The following EYS variants were observed in gnomAD, a reference collection of about 807,000 sequenced individuals.
EYS encodes EGF-like photoreceptor maintenance factor, also known as protein eyes shut homolog.
EYS carries 250 observed loss-of-function variants against 282.1 expected under a neutral mutation model. The ratio of observed to expected loss-of-function variants is 0.89; its 90% CI spans 0.80 to 0.98. The LOEUF (loss-of-function observed/expected upper bound fraction) is 0.98, where lower values mean the gene tolerates loss of function less well. Ranked by LOEUF, EYS falls within the 50% of genes least tolerant of loss-of-function variation. EYS has a pLI of 0.00. For synonymous variants in EYS, 1,355 were observed against 1,282.9 expected (o/e 1.06, Z -1.20); for missense variants, 4,016 against 3,709.0 (o/e 1.08, Z -2.15).
chr6:64,404,543 G>A (rs1334327102), intron 28 of EYS, among the ~76,000 whole-genome samples: 2 of 152,104 alleles, frequency 1.3e-5, no homozygotes, highest in Non-Finnish European at 2.9e-5. Flanking sequence ...TCTCAGATAG[G>A]TATTTTAAAA....
chr6:65,111,201 T>C (rs1775204254), intron 12 of EYS, among the ~76,000 whole-genome samples: 1 of 152,246 alleles, frequency 6.6e-6, no homozygotes, highest in South Asian at 2.1e-4. Context: ...ATATTATAAA[T>C]TATGACTTCT....
chr6:63,742,422 G>A (rs1769098997), intron 41 of EYS, among the ~76,000 whole-genome samples: 1 of 152,082 alleles, frequency 6.6e-6, no homozygotes, highest in Non-Finnish European at 1.5e-5. Context: ...CTGAGATCTT[G>A]TTCTCTCATG....
At chr6:64,606,570 AT>A (rs1175796330) in intron 24 of EYS, among the ~76,000 whole-genome samples, 1 of 152,120 alleles carries the variant, frequency 6.6e-6, no homozygotes, top group African/African-American at 2.4e-5. Flanking sequence ...TAACTAATTT[AT>A]CATTAGAAAC....
intron 26 of EYS, among the ~76,000 whole-genome samples, chr6:64,450,925 C>T (rs571461363): frequency 1.6e-4 from 24 of 152,132 alleles, no homozygotes; most frequent in African/African-American, 5.8e-4. Context: ...AAAATTGAGA[C>T]CCTAACATCA....
chr6:65,667,895 A>G (rs2149830443), intron 1 of EYS, among the ~76,000 whole-genome samples: 1 of 152,062 alleles, frequency 6.6e-6, no homozygotes, highest in African/African-American at 2.4e-5. Flanking sequence ...TTATCAGTAA[A>G]TTTGGAATAA....
At chr6:63,825,225 T>C (rs1771427697) in intron 36 of EYS, among the ~76,000 whole-genome samples, 1 of 152,026 alleles carries the variant, frequency 6.6e-6, no homozygotes, top group African/African-American at 2.4e-5. Context: ...CTGTCCCCCA[T>C]CCTCCACAGC....
chr6:64,288,728 A>C (rs1768589434), intron 30 of EYS, among the ~76,000 whole-genome samples: 1 of 152,120 alleles, frequency 6.6e-6, no homozygotes, highest in Admixed American at 6.6e-5. Flanking sequence ...CTGAAACATC[A>C]TAAAAATTTG....
chr6:64,016,474 T>G (rs927383140), intron 33 of EYS, among the ~76,000 whole-genome samples: 1 of 148,974 alleles, frequency 6.7e-6, no homozygotes, highest in African/African-American at 2.5e-5. Context: ...TTGGCTGCTG[T>G]GTCATACCTT....
chr6:63,972,046 G>A (rs1266124937), intron 35 of EYS, among the ~76,000 whole-genome samples: 1 of 152,122 alleles, frequency 6.6e-6, no homozygotes, highest in Non-Finnish European at 1.5e-5. Flanking sequence ...ATTTGTTATA[G>A]AATTTCTTCA....
intron 33 of EYS, among the ~76,000 whole-genome samples, chr6:64,056,024 C>T (rs534437218): frequency 2.6e-5 from 4 of 152,192 alleles, no homozygotes; most frequent in Non-Finnish European, 5.9e-5. Context: ...AAGGCCTGGT[C>T]CTCTTGACTA....
intron 26 of EYS, among the ~76,000 whole-genome samples, chr6:64,458,451 G>C (rs1460945730): frequency 6.6e-6 from 1 of 151,754 alleles, no homozygotes; most frequent in Non-Finnish European, 1.5e-5. Context: ...AGATAATCTT[G>C]GTTAATAATT....
At chr6:64,890,442 C>T (rs1373423406) in intron 18 of EYS, among the ~76,000 whole-genome samples, 3 of 152,036 alleles carry the variant, frequency 2.0e-5, no homozygotes, top group Non-Finnish European at 1.5e-5. Flanking sequence ...GTGATGTCTC[C>T]CCTGGACGCC....
intron 36 of EYS, among the ~76,000 whole-genome samples, chr6:63,828,698 C>T (rs1032044194): frequency 6.6e-6 from 1 of 152,102 alleles, no homozygotes; most frequent in Non-Finnish European, 1.5e-5. Context: ...CAACAAACAT[C>T]TGAAAAAATG....
At chr6:65,245,889 A>G (rs1181458884) in intron 12 of EYS, among the ~76,000 whole-genome samples, 1 of 152,060 alleles carries the variant, frequency 6.6e-6, no homozygotes, top group Non-Finnish European at 1.5e-5. Context: ...TATAGAATCT[A>G]TTTAACAATA....
intron 30 of EYS, among the ~76,000 whole-genome samples, chr6:64,277,283 A>C (rs538311781): frequency 2.0e-5 from 3 of 152,156 alleles, no homozygotes; most frequent in Non-Finnish European, 2.9e-5. Context: ...CATCCTCAAC[A>C]AATTTGTAGC....
rs544919689 is a variant in EYS at position 65,070,101 on chromosome 6, A to G, written c.2024-12374T>C. Among the ~76,000 whole-genome samples, 5 of 151,700 alleles carry G rather than the reference A, an allele frequency of 3.3e-5. No homozygotes were observed. The East Asian group carries it at 9.7e-4, about 29-fold the overall frequency. ...TTCCTAAATACTGTATAATAAATCC[A>G]CTCTTCCTTCACCACTGCAACTATC... is the stretch of plus-strand genomic sequence containing the variant. On this transcript the variant is annotated intron_variant, in intron 12 of 42. Coordinates refer to ENST00000503581, the MANE Select transcript of EYS (RefSeq NM_001142800.2).
At chr6:65,489,065 G>T (rs1765922861) in intron 5 of EYS, among the ~76,000 whole-genome samples, 1 of 152,126 alleles carries the variant, frequency 6.6e-6, no homozygotes, top group African/African-American at 2.4e-5. Context: ...ACATAGGCAT[G>T]GGCAAAGACT....
At chr6:64,170,693 C>A (rs907529770) in intron 31 of EYS, among the ~76,000 whole-genome samples, 2 of 150,786 alleles carry the variant, frequency 1.3e-5, no homozygotes, top group Non-Finnish European at 2.9e-5. Context: ...CTGCAAAGAC[C>A]TTGTTTATAA....
intron 24 of EYS, among the ~76,000 whole-genome samples, chr6:64,601,613 A>G (rs1766763484): frequency 6.6e-6 from 1 of 152,070 alleles, no homozygotes; most frequent in African/African-American, 2.4e-5. Context: ...TAATTGTTAG[A>G]GCCTAGCTGG....
Sources: allele counts gnomAD v4.1 joint callset (sites outside exome capture counted in the v4.1 genomes callset), GRCh38; gene constraint gnomAD v4.1.1; transcripts MANE v1.5; gene names NCBI Gene and HGNC (gene_info 2026-07-23, HGNC 2026-07-21).